DOK5: variants seen among roughly 807,000 people sequenced by gnomAD.
The protein encoded by DOK5 is docking protein 5.
A neutral mutation model predicts 43.3 loss-of-function variants in DOK5; 27 were observed. The observed-to-expected ratio is 0.62, with a 90% CI of 0.46 to 0.86. DOK5 has a LOEUF of 0.86. DOK5 is among the 40% of genes least tolerant of loss of function. The pLI, the probability that DOK5 is intolerant of heterozygous loss-of-function variation, is 0.00. For missense variants in DOK5, 373 were observed against 392.9 expected, an observed-to-expected ratio of 0.95 and a Z score of 0.43; for synonymous variants, 146 against 140.1, an observed-to-expected ratio of 1.04 and a Z score of -0.30.
chr20:54,522,185 C>T (rs1406144789), intron 1 of DOK5, among the ~76,000 whole-genome samples: 1 of 152,148 alleles, frequency 6.6e-6, no homozygotes, highest in Non-Finnish European at 1.5e-5. Flanking sequence ...ACCTAAAACA[C>T]ACCAACACTA....
At chr20:54,540,571 A>G (rs7265441) in intron 1 of DOK5, among the ~76,000 whole-genome samples, 3,718 of 152,242 alleles carry the variant, frequency 0.024, 151 homozygotes, top group African/African-American at 0.085. Context: ...GCTGGAGTGC[A>G]GTGCATGAGC....
At chr20:54,618,453 TC>T (rs1805773741) in intron 6 of DOK5, among the ~76,000 whole-genome samples, 1 of 151,844 alleles carries the variant, frequency 6.6e-6, no homozygotes, top group African/African-American at 2.4e-5. Context: ...AAGCGATTCT[TC>T]CCCCTCAGCC....
intron 1 of DOK5, among the ~76,000 whole-genome samples, chr20:54,533,370 G>A (rs891434798): frequency 2.6e-5 from 4 of 152,110 alleles, no homozygotes; most frequent in Admixed American, 2.0e-4. Context: ...ATAGTCCTGT[G>A]TCATTGCTAT....
chr20:54,488,330 G>A (rs1982023294), intron 1 of DOK5, among the ~76,000 whole-genome samples: 1 of 152,198 alleles, frequency 6.6e-6, no homozygotes, highest in Non-Finnish European at 1.5e-5. Flanking sequence ...TTAACTGGTT[G>A]CTCTTAACGT....
rs114029588 is a variant in DOK5, at chr20:54,487,179, T to G, written c.66+11167T>G. Among the ~76,000 whole-genome samples, 688 of 152,306 alleles carry G rather than the reference T, an allele frequency of 4.5e-3. 4 individuals carry two copies. The highest frequency in any genetic ancestry group is 0.016 in the African/African-American group (670 of 41,584). The stretch of plus-strand genomic sequence containing the variant: ...TGTGAGATTTATATATCTGGAGAGA[T>G]AATTTTAGGGTAGTAAACAGCATTC... On this transcript the variant is annotated intron_variant, in intron 1 of 7. Transcript: ENST00000262593.
At chr20:54,643,437 C>T (rs2146830580) in intron 6 of DOK5, 21 bp from the exon 7 acceptor site, 4 of 1,612,316 alleles carry the variant, frequency 2.5e-6, no homozygotes, top group Non-Finnish European at 3.4e-6. Flanking sequence ...TGACGCACAA[C>T]TTTCTTCCCT....
chr20:54,596,912 T>G (rs957366789), intron 5 of DOK5, among the ~76,000 whole-genome samples: 6 of 152,150 alleles, frequency 3.9e-5, no homozygotes, highest in African/African-American at 1.2e-4. Flanking sequence ...ATGGTGACTT[T>G]CAGAAGCTTT....
intron 2 of DOK5, among the ~76,000 whole-genome samples, chr20:54,572,580 G>C (rs1240144129): frequency 6.6e-6 from 1 of 152,064 alleles, no homozygotes; most frequent in African/African-American, 2.4e-5. Context: ...ATATAATTAA[G>C]AAAAAAATTA....
intron 1 of DOK5, among the ~76,000 whole-genome samples, chr20:54,542,099 T>TACACACACACAC (rs59020714): frequency 8.2e-6 from 1 of 121,980 alleles, no homozygotes; most frequent in African/African-American, 3.6e-5. Context: ...TATTATAAGA[T>TACACACACACAC]ACACACACAC....
chr20:54,582,418 G>T (rs1031632831), intron 2 of DOK5, among the ~76,000 whole-genome samples: 1 of 151,606 alleles, frequency 6.6e-6, no homozygotes, highest in Non-Finnish European at 1.5e-5. Flanking sequence ...TTTTGAAGAG[G>T]TTGAGAAGAA....
At chr20:54,544,775 T>C (rs1361600556) in intron 1 of DOK5, among the ~76,000 whole-genome samples, 2 of 151,950 alleles carry the variant, frequency 1.3e-5, no homozygotes, top group African/African-American at 4.8e-5. Context: ...CAGGATCAGT[T>C]GAGTCAAGAG....
intron 2 of DOK5, among the ~76,000 whole-genome samples, chr20:54,564,176 C>G (rs1258634341): frequency 6.6e-6 from 1 of 152,134 alleles, no homozygotes; most frequent in African/African-American, 2.4e-5. Flanking sequence ...GTAATCCCAG[C>G]ACTTTGGGAG....
chr20:54,604,344 G>T (rs545865529), intron 5 of DOK5, among the ~76,000 whole-genome samples: 3 of 151,434 alleles, frequency 2.0e-5, no homozygotes, highest in African/African-American at 7.3e-5. Context: ...CTCTCTGTCA[G>T]GTGCTTCGGA....
In DOK5 at chr20:54,476,195, G is replaced by A. The variant is rs555486668; in HGVS notation, c.66+183G>A. 29 of 985,384 alleles carry A rather than the reference G, an allele frequency of 2.9e-5. No individual in the cohort carries two copies. In the South Asian group the frequency reaches 9.9e-4, roughly 34 times the overall value. 61.0% of individuals were successfully genotyped at this position (985,384 alleles called of 1,614,324 possible). ...TAAGGCCAGCGTCTAGGTATGTAATGGATCTATCTTTATCTCTTGGATGAC... is the reference window on the plus strand; with the variant it reads ...TAAGGCCAGCGTCTAGGTATGTAATAGATCTATCTTTATCTCTTGGATGAC... On this transcript the variant is annotated intron_variant, in intron 1 of 7. Coordinates refer to ENST00000262593, the MANE Select transcript of DOK5 (RefSeq NM_018431.5).
intron 1 of DOK5, among the ~76,000 whole-genome samples, chr20:54,525,961 A>T (rs1445608827): frequency 6.6e-6 from 1 of 152,092 alleles, no homozygotes; most frequent in Non-Finnish European, 1.5e-5. Flanking sequence ...AAATTTGTGC[A>T]CTTGAGTGTG....
Position 54,644,721 on chromosome 20 carries a change from A to AC in DOK5, c.856+1143_856+1144insC, listed in dbSNP as rs1477792639. ...ACTCCGTCTCAAAAAAAAAAAAAAA[A>AC]AAACAAAATTTAGCTGGGCGTGGTG... On this transcript the variant is annotated intron_variant, in intron 7 of 7. Coordinates refer to ENST00000262593, the MANE Select transcript of DOK5 (RefSeq NM_018431.5). 7.9e-4 allele frequency among the ~76,000 whole-genome samples: 50 copies of AC among 63,636 alleles called. 1 individual carries two copies. The highest frequency in any genetic ancestry group is 1.5e-3 in the African/African-American group (41 of 27,992). The allele number at this position is 63,636 out of a possible 152,430, so 41.7% of individuals were successfully genotyped here. A position where few individuals can be genotyped will look rare whatever the true frequency, so the allele number is the denominator to read the frequency against.
chr20:54,517,638 A>G (rs971456638), intron 1 of DOK5, among the ~76,000 whole-genome samples: 1 of 152,114 alleles, frequency 6.6e-6, no homozygotes, highest in African/African-American at 2.4e-5. Flanking sequence ...GTTGGTGGTG[A>G]TGATAGTGTC....
intron 6 of DOK5, among the ~76,000 whole-genome samples, chr20:54,621,001 A>G (rs1469417398): frequency 6.6e-6 from 1 of 152,246 alleles, no homozygotes; most frequent in Non-Finnish European, 1.5e-5. Context: ...CTAACTAGAA[A>G]TAGAGGAGAT....
rs772042876 is a variant in DOK5, at chr20:54,588,608, G to C, written c.289+11G>C. ...TTGCTTGCGAATCAGGTTTGTCTCA[G>C]GCAGGGCTGGGGGGCTTTTGCTTTT... On this transcript the variant is annotated intron_variant, in intron 3 of 7. Transcript: ENST00000262593. 1 of 1,613,994 alleles carries C rather than the reference G, an allele frequency of 6.2e-7. No homozygotes were observed. The highest frequency in any genetic ancestry group is 8.5e-7 in the Non-Finnish European group (1 of 1,179,968).
Sources: gnomAD v4.1 joint callset for allele counts (sites outside exome capture counted in the v4.1 genomes callset) on GRCh38, gnomAD v4.1.1 for gene constraint, MANE v1.5 for transcripts, NCBI Gene and HGNC (gene_info 2026-07-23, HGNC 2026-07-21) for gene names.